The following ANKRD12 variants were observed in gnomAD, a reference collection of about 807,000 sequenced individuals.
ANKRD12 encodes the protein ankyrin repeat domain-containing protein 12.
In ANKRD12, 85 loss-of-function variants were observed where a neutral mutation model predicts 183.4. The ratio of observed to expected loss-of-function variants is 0.46; its 90% CI spans 0.39 to 0.56. The LOEUF (loss-of-function observed/expected upper bound fraction) is 0.56, where lower values mean the gene tolerates loss of function less well. Ranked by LOEUF, ANKRD12 falls within the 20% of genes least tolerant of loss-of-function variation. The pLI is 0.00. For missense variants in ANKRD12, 2,405 were observed against 2,357.1 expected (o/e 1.02, Z -0.42); for synonymous variants, 914 against 800.2 (o/e 1.14, Z -2.40).
intron 10 of ANKRD12, among the ~76,000 whole-genome samples, chr18:9,270,677 T>C (rs1381001410): frequency 1.3e-5 from 2 of 152,100 alleles, no homozygotes; most frequent in South Asian, 2.1e-4. Flanking sequence ...AATGATGAGT[T>C]CATGGGTGCA....
In ANKRD12 at chr18:9,265,727, A is replaced by G. The variant is rs185236745; in HGVS notation, c.5763+1839A>G. On this transcript the variant is annotated intron_variant, in intron 10 of 12. Coordinates refer to ENST00000262126, the MANE Select transcript of ANKRD12 (RefSeq NM_015208.5). ...AAATCAGAGCGCCTCTCCTCCTCCAAAGGAACGCAGCTCCTCACCAGCAAC... is the reference window on the plus strand; with the variant it reads ...AAATCAGAGCGCCTCTCCTCCTCCAGAGGAACGCAGCTCCTCACCAGCAAC... 4.6e-5 allele frequency among the ~76,000 whole-genome samples: 7 copies of G among 152,312 alleles called. No homozygotes were observed. The East Asian group carries it at 1.3e-3, about 29-fold the overall frequency.
chr18:9,183,833 A>G (rs556636434), intron 2 of ANKRD12, among the ~76,000 whole-genome samples: 2 of 152,194 alleles, frequency 1.3e-5, no homozygotes, highest in South Asian at 2.1e-4. Context: ...ATGATAATTT[A>G]TATGTGCAGT....
chr18:9,268,957 G>A (rs9748751), intron 10 of ANKRD12, among the ~76,000 whole-genome samples: 11,243 of 152,104 alleles, frequency 0.074, 427 homozygotes, highest in African/African-American at 0.083. Context: ...CAAAAATCAC[G>A]AGCATTCTTA....
At chr18:9,220,681 G>T (rs1337559586) in intron 7 of ANKRD12, among the ~76,000 whole-genome samples, 2 of 152,182 alleles carry the variant, frequency 1.3e-5, no homozygotes, top group African/African-American at 4.8e-5. Flanking sequence ...AGTTGGATGT[G>T]TCCAGTGAGT....
chr18:9,149,788 ATTAAAT>A (rs774905953), intron 1 of ANKRD12, among the ~76,000 whole-genome samples: 1 of 146,264 alleles, frequency 6.8e-6, no homozygotes, highest in Admixed American at 6.8e-5. Context: ...TTATTTATTT[ATTAAAT>A]TTTATTTTTT....
At chr18:9,250,784 A>T (rs1393240328) in intron 8 of ANKRD12, among the ~76,000 whole-genome samples, 1 of 152,226 alleles carries the variant, frequency 6.6e-6, no homozygotes, top group Non-Finnish European at 1.5e-5. Flanking sequence ...AGGAATTGAG[A>T]GAGTTTGAAA....
Position 9,258,186 on chromosome 18 carries a change from T to G in ANKRD12, c.4919T>G (p.Leu1640Trp). Residue 1640 changes from leucine (L) to tryptophan (W), a missense_variant, in exon 9 of 13, where the codon TTG (leucine) becomes TGG (tryptophan). This residue lies in a region of ANKRD12 where 1,983 missense variants were observed against 1,725.9 expected (regional missense o/e 1.15). Transcript: ENST00000262126. ...SHEKENKLES[L>W]VLTHLSRCDS... ...GAAAAAGAAAACAAACTGGAGAGTT[T>G]GGTTTTAACTCATTTGAGTAGGTGT... is the stretch of plus-strand genomic sequence containing the variant. 1 of 1,613,892 alleles carries G rather than the reference T, an allele frequency of 6.2e-7. No individual in the cohort carries two copies. Among genetic ancestry groups the G allele is most frequent in the Non-Finnish European group, 8.5e-7 (1 of 1,179,960 alleles).
chr18:9,172,566 C>T (rs2032846750), intron 1 of ANKRD12, among the ~76,000 whole-genome samples: 1 of 152,158 alleles, frequency 6.6e-6, no homozygotes, highest in Admixed American at 6.5e-5. Flanking sequence ...TTTCTCAGCT[C>T]CATCAGGTCA....
rs114365844 is a variant in ANKRD12, at chr18:9,184,135, T to C, written c.87+1616T>C. Among the ~76,000 whole-genome samples the C allele has an allele frequency of 7.5e-3, 1,143 of 152,326 alleles. 13 individuals carry two copies. The highest frequency in any genetic ancestry group is 0.026 in the African/African-American group (1,067 of 41,566). ...ATATAACATCGATTACATCTAGATA[T>C]GTGATTAACCCAACAAAAGAATGTT... On this transcript the variant is annotated intron_variant, in intron 2 of 12. Transcript: ENST00000262126.
At position 9,257,323 on chromosome 18, in the gene ANKRD12, A is replaced by T. The variant is rs560077143; in HGVS notation, c.4056A>T (p.Ser1352=). ...TSPSPKPEVF[S]NVPERDLSNV... ...CTTCTCCCAAACCTGAGGTATTCTC[A>T]AATGTGCCTGAAAGAGACCTTTCAA... is the stretch of plus-strand genomic sequence containing the variant. The change falls in exon 9 of 13, where the codon TCA becomes TCT. Residue 1352 remains serine, a synonymous_variant. Coordinates refer to ENST00000262126, the MANE Select transcript of ANKRD12 (RefSeq NM_015208.5). 1.2e-6 allele frequency: 2 copies of T among 1,614,018 alleles called. No homozygotes were observed. Among genetic ancestry groups the T allele is most frequent in the Non-Finnish European group, 1.7e-6 (2 of 1,179,896 alleles).
At chr18:9,276,627 T>C (rs2039848643) in intron 11 of ANKRD12, among the ~76,000 whole-genome samples, 1 of 151,974 alleles carries the variant, frequency 6.6e-6, no homozygotes, top group Admixed American at 6.6e-5. Flanking sequence ...GGTAGGAGGA[T>C]CTGTTGAGCC....
chr18:9,257,331 C>T lies in ANKRD12; in HGVS notation c.4064C>T (p.Pro1355Leu), dbSNP rs1231461903. 9 of 1,613,986 alleles carry T rather than the reference C, an allele frequency of 5.6e-6. No individual in the cohort carries two copies. Among genetic ancestry groups the T allele is most frequent in the Non-Finnish European group, 7.6e-6 (9 of 1,179,998 alleles). The stretch of plus-strand genomic sequence containing the variant: ...AAACCTGAGGTATTCTCAAATGTGC[C>T]TGAAAGAGACCTTTCAAATGTATCT... ...SPKPEVFSNV[P>L]ERDLSNVSNI... Residue 1355 changes from proline (P) to leucine (L), a missense_variant, in exon 9 of 13, where the codon CCT becomes CTT. Pro to Leu is a moderately conservative substitution (Grantham distance 98, BLOSUM62 -3). Around this residue, in one of 7 missense-constraint regions of ANKRD12, gnomAD observed 1,983 missense variants for 1,725.9 expected, o/e 1.15. Coordinates refer to ENST00000262126, the MANE Select transcript of ANKRD12 (RefSeq NM_015208.5).
At chr18:9,143,163 A>T (rs1347648055) in intron 1 of ANKRD12, among the ~76,000 whole-genome samples, 1 of 152,234 alleles carries the variant, frequency 6.6e-6, no homozygotes, top group African/African-American at 2.4e-5. Flanking sequence ...AGATACTTTC[A>T]TGTATGTTAC....
intron 8 of ANKRD12, among the ~76,000 whole-genome samples, chr18:9,225,310 C>CA (rs2036641626): frequency 1.1e-5 from 1 of 89,656 alleles, no homozygotes; most frequent in Non-Finnish European, 2.6e-5. Context: ...CCCATCTCTA[C>CA]AAAAAATACA....
intron 10 of ANKRD12, among the ~76,000 whole-genome samples, chr18:9,272,185 T>C (rs894138199): frequency 3.3e-5 from 5 of 152,208 alleles, no homozygotes; most frequent in Non-Finnish European, 7.3e-5. Flanking sequence ...ATCGAAAGTG[T>C]ACTATTTAGA....
At chr18:9,225,035 A>G (rs2036629473) in intron 8 of ANKRD12, among the ~76,000 whole-genome samples, 1 of 152,160 alleles carries the variant, frequency 6.6e-6, no homozygotes, top group Non-Finnish European at 1.5e-5. Flanking sequence ...CCTGGGCATT[A>G]GAGCAAGCTC....
At chr18:9,194,675 A>T (rs1415274373) in intron 2 of ANKRD12, among the ~76,000 whole-genome samples, 1 of 152,202 alleles carries the variant, frequency 6.6e-6, no homozygotes, top group Non-Finnish European at 1.5e-5. Flanking sequence ...TTTTTTAAAT[A>T]AAATACCATC....
At chr18:9,250,918 T>C (rs4449017) in intron 8 of ANKRD12, among the ~76,000 whole-genome samples, 11,227 of 152,272 alleles carry the variant, frequency 0.074, 420 homozygotes, top group African/African-American at 0.083. Context: ...TGAATGTTTT[T>C]AGTCTTGTTT....
intron 9 of ANKRD12, among the ~76,000 whole-genome samples, chr18:9,261,239 T>TA (rs369938300): frequency 6.6e-6 from 1 of 152,336 alleles, no homozygotes; most frequent in Non-Finnish European, 1.5e-5. Context: ...ATGTTCTACA[T>TA]AATACCTCTT....
Sources: allele counts gnomAD v4.1 joint callset (sites outside exome capture counted in the v4.1 genomes callset), GRCh38; gene constraint gnomAD v4.1.1; regional missense constraint gnomAD v4.1.1; transcripts MANE v1.5; gene names NCBI Gene and HGNC (gene_info 2026-07-23, HGNC 2026-07-21).